The following STRN3 variants were observed in gnomAD, a reference collection of about 807,000 sequenced individuals.
STRN3 encodes striatin 3, also known as striatin-3.
Under a neutral mutation model 95.6 loss-of-function variants are expected in STRN3, and 29 were observed. The observed-to-expected ratio is 0.30, with a 90% confidence interval of 0.23 to 0.41. The LOEUF (loss-of-function observed/expected upper bound fraction) is 0.41. Among genes scored for constraint, STRN3 ranks in the 10% least tolerant of loss-of-function variants. STRN3 has a pLI of 1.00. For missense variants in STRN3, 890 were observed against 972.1 expected (o/e 0.92, Z 1.12); for synonymous variants, 331 against 357.6 (o/e 0.93, Z 0.84).
At chr14:30,916,133 A>C (rs1896732296) in intron 9 of STRN3, among the ~76,000 whole-genome samples, 1 of 152,152 alleles carries the variant, frequency 6.6e-6, no homozygotes, top group South Asian at 2.1e-4. Flanking sequence ...TAATCACAGC[A>C]GCTACTCATC....
chr14:30,943,608 C>A (rs1183226333), intron 5 of STRN3, among the ~76,000 whole-genome samples: 1 of 151,940 alleles, frequency 6.6e-6, no homozygotes, highest in Non-Finnish European at 1.5e-5. Context: ...CAAAACAACA[C>A]TAAACAAATA....
intron 1 of STRN3, among the ~76,000 whole-genome samples, chr14:31,022,430 T>C (rs1487035348): frequency 1.3e-5 from 2 of 151,824 alleles, no homozygotes; most frequent in African/African-American, 4.8e-5. Context: ...TTTTCTTGTA[T>C]TAGCTATGTC....
Position 31,025,934 on chromosome 14 carries a change from C to T in STRN3, c.252G>A (p.Ala84=). The T allele has an allele frequency of 6.2e-7, 1 of 1,600,750 alleles. No homozygotes were observed. The highest frequency in any genetic ancestry group is 8.5e-7 in the Non-Finnish European group (1 of 1,174,044). ...GTTCGGCCCGTTCCACCTCCCAGTG[C>T]GCCCGCTCCATCTCGAACCGAGCCC... The part of the protein sequence containing the change: ...HEWARFEMER[A]HWEVERAELQ... The change falls in exon 1 of 18, where the codon GCG becomes GCA. Residue 84 remains alanine (A), a synonymous_variant. Coordinates refer to ENST00000357479, the MANE Select transcript of STRN3 (RefSeq NM_001083893.2).
At chr14:31,017,306 T>C (rs1404273857) in intron 1 of STRN3, among the ~76,000 whole-genome samples, 1 of 151,374 alleles carries the variant, frequency 6.6e-6, no homozygotes, top group Non-Finnish European at 1.5e-5. Flanking sequence ...GAGACCATCC[T>C]GGCTAACAAG....
chr14:30,925,778 T>C (rs1240419565), intron 8 of STRN3, among the ~76,000 whole-genome samples: 1 of 152,178 alleles, frequency 6.6e-6, no homozygotes, highest in Non-Finnish European at 1.5e-5. Flanking sequence ...TGTCACACTG[T>C]GTCCCATAAA....
intron 1 of STRN3, among the ~76,000 whole-genome samples, chr14:31,016,355 A>G (rs1269326945): frequency 6.6e-6 from 1 of 152,140 alleles, no homozygotes; most frequent in Non-Finnish European, 1.5e-5. Context: ...TAAATGGAAT[A>G]TTGTTCAGCA....
At chr14:30,939,237 T>C (rs1037501870) in intron 5 of STRN3, among the ~76,000 whole-genome samples, 4 of 152,188 alleles carry the variant, frequency 2.6e-5, no homozygotes, top group African/African-American at 7.2e-5. Flanking sequence ...GTTTGTTATA[T>C]AAATATCCTT....
chr14:30,949,230 T>A (rs565353919), intron 4 of STRN3, among the ~76,000 whole-genome samples: 1 of 119,096 alleles, frequency 8.4e-6, no homozygotes, highest in African/African-American at 2.9e-5. Flanking sequence ...ATTCTTTCCT[T>A]CAAATTTTAG....
chr14:31,002,243 G>A (rs1000492684), intron 1 of STRN3, among the ~76,000 whole-genome samples: 2 of 150,730 alleles, frequency 1.3e-5, no homozygotes, highest in African/African-American at 4.9e-5. Context: ...GGAGGCTGAG[G>A]CAGGCGGATC....
intron 1 of STRN3, among the ~76,000 whole-genome samples, chr14:30,960,221 G>A (rs1308433986): frequency 2.6e-5 from 4 of 152,104 alleles, no homozygotes; most frequent in African/African-American, 9.7e-5. Context: ...AGGTGTGGTG[G>A]CATACACCTG....
chr14:31,018,509 G>C (rs1594592834), intron 1 of STRN3: 1 of 425,984 alleles, frequency 2.3e-6, no homozygotes, highest in Non-Finnish European at 4.7e-6. Context: ...TAGGGAACTT[G>C]GATGCGAAAC....
At chr14:30,969,362 G>A (rs914410099) in intron 1 of STRN3, among the ~76,000 whole-genome samples, 2 of 152,004 alleles carry the variant, frequency 1.3e-5, no homozygotes, top group South Asian at 2.1e-4. Flanking sequence ...GCGTGAACCC[G>A]GGAGGCGGAG....
intron 1 of STRN3, among the ~76,000 whole-genome samples, chr14:30,983,446 G>T (rs1594537762): frequency 1.3e-5 from 2 of 152,372 alleles, no homozygotes; most frequent in South Asian, 2.1e-4. Context: ...TCCGGAGGCT[G>T]AGACGGGGGA....
intron 1 of STRN3, among the ~76,000 whole-genome samples, chr14:30,983,327 G>A (rs1223377635): frequency 6.6e-6 from 1 of 152,202 alleles, no homozygotes; most frequent in Non-Finnish European, 1.5e-5. Flanking sequence ...AGGATCGCCT[G>A]AGGTCAGGAG....
chr14:30,936,595 T>C lies in STRN3; in HGVS notation c.746A>G (p.Asn249Ser), dbSNP rs375369773. 1.0e-4 allele frequency: 164 copies of C among 1,613,754 alleles called. No individual in the cohort carries two copies. The highest frequency in any genetic ancestry group is 5.8e-4 in the East Asian group (26 of 44,826). The part of the protein sequence containing the change: ...RSSGDVLETF[N>S]FLENADDSDE... ...ACTGTCATCGGCATTTTCTAAGAAA[T>C]TGAACGTCTCAAGAACATCACCAGA... The change falls in exon 6 of 18, where the codon AAT becomes AGT. Residue 249 changes from asparagine (N) to serine (S), a missense_variant. Around this residue, in one of 3 missense-constraint regions of STRN3, gnomAD observed 526 missense variants for 526.3 expected, o/e 1.00. Transcript: ENST00000357479.
intron 8 of STRN3, among the ~76,000 whole-genome samples, chr14:30,928,623 C>A (rs1878310965): frequency 6.6e-6 from 1 of 152,000 alleles, no homozygotes; most frequent in African/African-American, 2.4e-5. Flanking sequence ...ACCAAGACAC[C>A]CAGCAATGAC....
In STRN3 at chr14:30,910,440, A is replaced by G. The variant is rs570837359; in HGVS notation, c.1720+601T>C. ...GTTAAATAAAAAGAACAAAGAGTTCATAAACATTTTGTTTTAACGTTTTAT... is the reference window on the plus strand; with the variant it reads ...GTTAAATAAAAAGAACAAAGAGTTCGTAAACATTTTGTTTTAACGTTTTAT... On this transcript the variant is annotated intron_variant, in intron 13 of 17. Transcript: ENST00000357479. Among the ~76,000 whole-genome samples, 5 of 152,362 alleles carry G rather than the reference A, an allele frequency of 3.3e-5. No individual in the cohort carries two copies. The South Asian group carries it at 1.0e-3, about 32-fold the overall frequency.
intron 11 of STRN3, 68 bp downstream of exon 11, chr14:30,911,939 A>G: frequency 6.4e-7 from 1 of 1,568,850 alleles, no homozygotes; most frequent in South Asian, 1.2e-5. Context: ...ATGCAACAAT[A>G]ATGAGGAATA....
chr14:30,989,172 C>G (rs1167513115), intron 1 of STRN3, among the ~76,000 whole-genome samples: 1 of 152,184 alleles, frequency 6.6e-6, no homozygotes, highest in Non-Finnish European at 1.5e-5. Context: ...TTACCTTATT[C>G]TTTGGCCCAC....
Sources: gnomAD v4.1 joint callset for allele counts (sites outside exome capture counted in the v4.1 genomes callset) on GRCh38, gnomAD v4.1.1 for gene constraint, gnomAD v4.1.1 regional missense constraint, MANE v1.5 for transcripts, NCBI Gene and HGNC (gene_info 2026-07-23, HGNC 2026-07-21) for gene names.